The following SYT12 variants were observed in gnomAD, a reference collection of about 807,000 sequenced individuals.
SYT12 encodes the protein synaptotagmin 12.
A neutral mutation model predicts 39.5 loss-of-function variants in SYT12; 27 were observed. The ratio of observed to expected loss-of-function variants is 0.68; its 90% CI spans 0.50 to 0.94. The LOEUF (loss-of-function observed/expected upper bound fraction) is 0.94. Among genes scored for constraint, SYT12 ranks in the 40% least tolerant of loss-of-function variants. SYT12 has a pLI of 0.00. For missense variants in SYT12, 536 were observed against 572.6 expected, an observed-to-expected ratio of 0.94 and a Z score of 0.65; for synonymous variants, 233 against 239.7, an observed-to-expected ratio of 0.97 and a Z score of 0.26.
chr11:67,021,942 TTTTTC>T (rs1950114018), upstream of SYT12: 1 of 143,746 alleles, frequency 7.0e-6, no homozygotes, highest in South Asian at 2.1e-4. Context: ...TCTTTTTTTC[TTTTTC>T]TTTTCTTTTT....
At chr11:67,042,023 G>A (rs1040830180) in intron 4 of SYT12, among the ~76,000 whole-genome samples, 2 of 152,160 alleles carry the variant, frequency 1.3e-5, no homozygotes, top group Non-Finnish European at 2.9e-5. Context: ...GTGCGAGGAG[G>A]GCGTGTTTAG....
chr11:67,021,122 G>C (rs1212991941), upstream of SYT12, among the ~76,000 whole-genome samples: 1 of 152,184 alleles, frequency 6.6e-6, no homozygotes, highest in African/African-American at 2.4e-5. Flanking sequence ...CTGTGCATTT[G>C]ATTCATAATG....
intron 3 of SYT12, among the ~76,000 whole-genome samples, chr11:67,035,335 T>C (rs192219656): frequency 2.3e-4 from 35 of 151,310 alleles, no homozygotes; most frequent in East Asian, 3.9e-4. Flanking sequence ...TTCTTTCTTT[T>C]TTTTTTTTTT....
intron 1 of SYT12, among the ~76,000 whole-genome samples, chr11:67,007,667 C>T (rs1483552285): frequency 2.6e-5 from 4 of 152,020 alleles, no homozygotes; most frequent in Admixed American, 6.6e-5. Flanking sequence ...CGGGTTCAAG[C>T]GATTCTCCTG....
chr11:67,045,483 C>T (rs1250267016), intron 6 of SYT12, among the ~76,000 whole-genome samples: 2 of 152,154 alleles, frequency 1.3e-5, no homozygotes, highest in Non-Finnish European at 2.9e-5. Flanking sequence ...CTGAGTTCCC[C>T]AGAGCATCCT....
At chr11:67,047,777 CTTTTTTTTTTT>C (rs1173796349) in intron 7 of SYT12, among the ~76,000 whole-genome samples, 13 of 76,032 alleles carry the variant, frequency 1.7e-4, no homozygotes, top group East Asian at 9.0e-4. Context: ...ACCCCCATCT[CTTTTTTTTTTT>C]TTTTTTTTTT....
At position 67,023,139 on chromosome 11, in the gene SYT12, C is replaced by T. The variant is rs1950131199; in HGVS notation, c.-345C>T. Among the ~76,000 whole-genome samples the T allele has an allele frequency of 6.6e-6, 1 of 152,190 alleles. No individual in the cohort carries two copies. The highest frequency in any genetic ancestry group is 2.4e-5 in the African/African-American group (1 of 41,464). On this transcript the variant is annotated 5_prime_UTR_variant, in exon 1 of 8. Transcript: ENST00000527043. ...GATCCCGGACGCGCTTGGGGATCTC[C>T]GGCTCGGACCCCAGGAGCAGAGACA...
intron 1 of SYT12, among the ~76,000 whole-genome samples, chr11:67,026,161 T>C (rs985163578): frequency 3.9e-5 from 6 of 152,090 alleles, no homozygotes; most frequent in African/African-American, 1.4e-4. Context: ...TAGCAGTGAA[T>C]GGAAGGATGG....
chr11:67,047,123 C>G (rs1384479240), intron 7 of SYT12, among the ~76,000 whole-genome samples: 1 of 151,992 alleles, frequency 6.6e-6, no homozygotes, highest in Non-Finnish European at 1.5e-5. Flanking sequence ...TGCCACCACA[C>G]CTGGCTAATT....
intron 3 of SYT12, among the ~76,000 whole-genome samples, chr11:67,037,944 A>T (rs1950415212): frequency 6.7e-6 from 1 of 150,152 alleles, no homozygotes; most frequent in South Asian, 2.1e-4. Context: ...GGTCCTGGAC[A>T]CTTGGGAGAG....
At chr11:67,033,346 C>A (rs1950305328) in intron 2 of SYT12, among the ~76,000 whole-genome samples, 1 of 152,172 alleles carries the variant, frequency 6.6e-6, no homozygotes, top group African/African-American at 2.4e-5. Flanking sequence ...TATTTGCCTG[C>A]CCCACCCCAC....
chr11:67,044,529 G>A, intron 5 of SYT12, 64 bp from the exon 6 acceptor site: 1 of 1,567,118 alleles, frequency 6.4e-7, no homozygotes, highest in Non-Finnish European at 8.6e-7. Flanking sequence ...GGCAACCAAG[G>A]CTTTCCCTGG....
chr11:67,019,472 CAA>C (rs761020239), upstream of SYT12, among the ~76,000 whole-genome samples: 7 of 122,822 alleles, frequency 5.7e-5, no homozygotes, highest in Non-Finnish European at 7.1e-5. Flanking sequence ...AACTCCACCT[CAA>C]AAAAAAAAAA....
chr11:67,047,983 G>T (rs1454650542), intron 7 of SYT12, among the ~76,000 whole-genome samples: 1 of 148,486 alleles, frequency 6.7e-6, no homozygotes, highest in Non-Finnish European at 1.5e-5. Flanking sequence ...AGTAGAGACG[G>T]GGTTTCACCA....
chr11:67,011,475 T>G (rs1165994108), intron 3 of SYT12, among the ~76,000 whole-genome samples: 1 of 152,172 alleles, frequency 6.6e-6, no homozygotes, highest in Non-Finnish European at 1.5e-5. Flanking sequence ...ACTCCTGACC[T>G]CAGGTGATCC....
At chr11:67,028,571 C>T (rs145146290) in intron 1 of SYT12, 1 of 152,244 alleles carries the variant, frequency 6.6e-6, no homozygotes, top group South Asian at 2.1e-4. Context: ...AAGCCACAGA[C>T]TGGGGAGAAC....
At chr11:67,011,152 G>A (rs963243757) in intron 3 of SYT12, among the ~76,000 whole-genome samples, 1 of 152,170 alleles carries the variant, frequency 6.6e-6, no homozygotes, top group Non-Finnish European at 1.5e-5. Context: ...GAGCTCAAGA[G>A]TTTGAATCCA....
intron 3 of SYT12, among the ~76,000 whole-genome samples, chr11:67,015,157 CCTT>C (rs1950047111): frequency 6.6e-6 from 1 of 152,168 alleles, no homozygotes. Flanking sequence ...AGCCGCGGCT[CCTT>C]CTTAAGCTTC....
At chr11:67,008,280 C>T (rs1449001569) in intron 1 of SYT12, among the ~76,000 whole-genome samples, 2 of 152,064 alleles carry the variant, frequency 1.3e-5, no homozygotes, top group African/African-American at 4.8e-5. Context: ...TCTGATTTTT[C>T]CTCCTTTCAG....
Sources: gnomAD v4.1 joint callset for allele counts (sites outside exome capture counted in the v4.1 genomes callset) on GRCh38, gnomAD v4.1.1 for gene constraint, MANE v1.5 for transcripts, NCBI Gene and HGNC (gene_info 2026-07-23, HGNC 2026-07-21) for gene names.